The following TANGO2 variants were observed in gnomAD, a reference collection of about 807,000 sequenced individuals.
TANGO2 encodes transport and Golgi organization protein 2 homolog.
Under a neutral mutation model 39.1 loss-of-function variants are expected in TANGO2, and 26 were observed. The ratio of observed to expected loss-of-function variants is 0.67; its 90% CI spans 0.49 to 0.92. The LOEUF (loss-of-function observed/expected upper bound fraction) is 0.92, where lower values mean the gene tolerates loss of function less well. Among genes scored for constraint, TANGO2 ranks in the 40% least tolerant of loss-of-function variants. The pLI, the probability that TANGO2 is intolerant of heterozygous loss-of-function variation, is 0.00. For missense variants in TANGO2, 326 were observed against 360.1 expected, an observed-to-expected ratio of 0.91 and a Z score of 0.77; for synonymous variants, 131 against 144.5, an observed-to-expected ratio of 0.91 and a Z score of 0.67.
chr22:20,017,067 C>T (rs1174221545), upstream of TANGO2: 1 of 152,162 alleles, frequency 6.6e-6, no homozygotes, highest in Admixed American at 6.5e-5. Context: ...TACGCGGGAC[C>T]GCTCCCTCCC....
intron 1 of TANGO2, among the ~76,000 whole-genome samples, chr22:20,031,153 G>A (rs537755334): frequency 1.3e-5 from 2 of 151,550 alleles, no homozygotes; most frequent in Middle Eastern, 3.4e-3. Flanking sequence ...AGCTGAGATC[G>A]CGCCGCTGCA....
intron 1 of TANGO2, among the ~76,000 whole-genome samples, chr22:20,026,799 C>T (rs2040851685): frequency 6.6e-6 from 1 of 152,236 alleles, no homozygotes; most frequent in Non-Finnish European, 1.5e-5. Context: ...ACACTGCATA[C>T]ACCCTGGAGG....
chr22:20,054,168 G>A, intron 5 of TANGO2: 1 of 230,008 alleles, frequency 4.3e-6, no homozygotes, highest in South Asian at 5.1e-5. Flanking sequence ...CGAGCTCCAG[G>A]CCTGCTGTTC....
chr22:20,045,111 C>T lies in TANGO2; in HGVS notation c.145+1668C>T, dbSNP rs182470596. Among the ~76,000 whole-genome samples, 7 of 152,178 alleles carry T rather than the reference C, an allele frequency of 4.6e-5. No individual in the cohort carries two copies. In the East Asian group the frequency reaches 1.4e-3, roughly 30 times the overall value. On this transcript the variant is annotated intron_variant, in intron 3 of 8. Coordinates refer to ENST00000327374, the MANE Select transcript of TANGO2 (RefSeq NM_152906.7). The stretch of plus-strand genomic sequence containing the variant: ...GGTTCTCCAGGTGTGGTCCTTGGGC[C>T]TGTAGCACCAGCTTTACTTGAGAAC...
intron 6 of TANGO2, chr22:20,058,019 C>G (rs1411873144): frequency 7.1e-6 from 1 of 141,422 alleles, no homozygotes; most frequent in Non-Finnish European, 1.5e-5. Context: ...CCACCTGGTC[C>G]ACATTGCCTT....
intron 1 of TANGO2, among the ~76,000 whole-genome samples, chr22:20,032,603 G>T (rs2042078670): frequency 6.6e-6 from 1 of 152,258 alleles, no homozygotes; most frequent in African/African-American, 2.4e-5. Flanking sequence ...CTGAGAGTTG[G>T]TTGGGCTTGG....
chr22:20,053,947 A>G (rs2046884664), intron 5 of TANGO2: 1 of 351,942 alleles, frequency 2.8e-6, no homozygotes. Context: ...GGCCGCAGGA[A>G]CTGCGGAGGT....
intron 2 of TANGO2, among the ~76,000 whole-genome samples, chr22:20,042,338 C>T (rs941339626): frequency 4.6e-5 from 7 of 152,114 alleles, no homozygotes; most frequent in Admixed American, 1.3e-4. Flanking sequence ...AGGAACTGAC[C>T]CCTTCCACTC....
At chr22:20,042,579 C>G (rs1246587352) in intron 2 of TANGO2, among the ~76,000 whole-genome samples, 1 of 152,068 alleles carries the variant, frequency 6.6e-6, no homozygotes, top group African/African-American at 2.4e-5. Flanking sequence ...GCTTGGCCAA[C>G]ATGGTGAAAC....
chr22:20,058,632 A>G (rs1176852609), intron 6 of TANGO2, among the ~76,000 whole-genome samples: 1 of 145,228 alleles, frequency 6.9e-6, no homozygotes, highest in Non-Finnish European at 1.5e-5. Flanking sequence ...ACAGAGTGAG[A>G]TTGCATCTCA....
chr22:20,041,814 G>A (rs1165274077), intron 2 of TANGO2, among the ~76,000 whole-genome samples: 1 of 152,162 alleles, frequency 6.6e-6, no homozygotes, highest in Non-Finnish European at 1.5e-5. Flanking sequence ...AGCAAATGTT[G>A]TTTTATGAAA....
Position 20,033,415 on chromosome 22 carries a change from GCCTTTCTGCCTGTCTGT to G in TANGO2, c.-39-3341_-39-3325del, listed in dbSNP as rs869308616. On this transcript the variant is annotated intron_variant, in intron 1 of 8. Transcript: ENST00000327374. ...GGGGTCCTGCAGCTGAACTGGGGGT[GCCTTTCTGCCTGTCTGT>G]CCTACGTGTATCAGTGGCCAGAACT... 9.2e-5 allele frequency among the ~76,000 whole-genome samples: 14 copies of G among 152,340 alleles called. No homozygotes were observed. The South Asian group carries it at 2.9e-3, about 32-fold the overall frequency.
In TANGO2 at chr22:20,065,376, C is replaced by G; in HGVS notation, c.*714C>G. The G allele has an allele frequency of 6.6e-6, 1 of 150,908 alleles. No individual in the cohort carries two copies. Among genetic ancestry groups the G allele is most frequent in the Middle Eastern group, 3.2e-3 (1 of 312 alleles). 9.3% of individuals were successfully genotyped at this position (150,908 alleles called of 1,614,324 possible). A position where few individuals can be genotyped will look rare whatever the true frequency, so the allele number is the denominator to read the frequency against. On this transcript the variant is annotated 3_prime_UTR_variant, in exon 9 of 9. Transcript: ENST00000327374. ...TTTTTTTTTGAGACGGAGTCTTGCT[C>G]TGTCACCCAGGCTGGAGTGCAGTGG...
chr22:20,023,228 G>A (rs1302871269), intron 1 of TANGO2, among the ~76,000 whole-genome samples: 1 of 152,224 alleles, frequency 6.6e-6, no homozygotes, highest in African/African-American at 2.4e-5. Flanking sequence ...GATCTTCAGT[G>A]CCATGCTAAC....
intron 1 of TANGO2, among the ~76,000 whole-genome samples, chr22:20,035,910 A>T (rs949429356): frequency 6.6e-6 from 1 of 152,100 alleles, no homozygotes; most frequent in African/African-American, 2.4e-5. Context: ...AAGAAACAGG[A>T]TATACTAGGC....
At chr22:20,062,460 CT>C (rs1171596204) in intron 7 of TANGO2, among the ~76,000 whole-genome samples, 6 of 152,228 alleles carry the variant, frequency 3.9e-5, no homozygotes, top group Admixed American at 3.9e-4. Flanking sequence ...TTTCTGCCCC[CT>C]GCCTACCCTC....
At chr22:20,053,201 T>C (rs1028799343) in intron 4 of TANGO2, among the ~76,000 whole-genome samples, 2 of 152,086 alleles carry the variant, frequency 1.3e-5, no homozygotes, top group African/African-American at 2.4e-5. Context: ...TGGATTTCCA[T>C]AGGAAGACAT....
At chr22:20,060,051 G>T (rs1602365510) in intron 6 of TANGO2, among the ~76,000 whole-genome samples, 1 of 151,796 alleles carries the variant, frequency 6.6e-6, no homozygotes, top group Non-Finnish European at 1.5e-5. Flanking sequence ...AACCTCCTGG[G>T]CTTAAGAGAT....
At chr22:20,027,756 T>C (rs2041059656) in intron 1 of TANGO2, among the ~76,000 whole-genome samples, 1 of 151,370 alleles carries the variant, frequency 6.6e-6, no homozygotes, top group Non-Finnish European at 1.5e-5. Flanking sequence ...TACAGATGCA[T>C]GTCACCATGC....
Sources: allele counts gnomAD v4.1 joint callset (sites outside exome capture counted in the v4.1 genomes callset), GRCh38; gene constraint gnomAD v4.1.1; transcripts MANE v1.5; gene names NCBI Gene and HGNC (gene_info 2026-07-23, HGNC 2026-07-21).